The following ADCY2 variants were observed in gnomAD, a reference collection of about 807,000 sequenced individuals.
ADCY2 encodes the protein adenylate cyclase type 2.
In ADCY2, 31 loss-of-function variants were observed where a neutral mutation model predicts 125.2. The ratio of observed to expected loss-of-function variants is 0.25; its 90% CI spans 0.19 to 0.33. ADCY2 has a LOEUF of 0.33. Among genes scored for constraint, ADCY2 ranks in the 10% least tolerant of loss-of-function variants. The probability of loss-of-function intolerance (pLI) is 1.00; values close to 1 mark genes in which losing one functional copy is unlikely to be tolerated. For synonymous variants in ADCY2, 512 were observed against 548.4 expected, an observed-to-expected ratio of 0.93 and a Z score of 0.93; for missense variants, 904 against 1,418.2, an observed-to-expected ratio of 0.64 and a Z score of 5.82.
In ADCY2 at chr5:7,709,419, A is replaced by G. The variant is rs1273040520; in HGVS notation, c.1578+32A>G. 2.0e-6 allele frequency: 3 copies of G among 1,523,832 alleles called. No homozygotes were observed. The highest frequency in any genetic ancestry group is 1.8e-6 in the Non-Finnish European group (2 of 1,136,278). The allele number at this position is 1,523,832 out of a possible 1,614,324, so 94.4% of individuals were successfully genotyped here. ...CCTCCCCTGCCTCCAATGCCTGAGCACTGGGGGAAAGCTAACTTCCCAAAA... is the reference window on the plus strand; with the variant it reads ...CCTCCCCTGCCTCCAATGCCTGAGCGCTGGGGGAAAGCTAACTTCCCAAAA... On this transcript the variant is annotated intron_variant, in intron 10 of 24. Transcript: ENST00000338316. The surrounding 1 kb of genome is among the most constrained non-coding windows in gnomAD (Gnocchi z 4.4).
At chr5:7,787,067 G>A (rs1744104757) in intron 19 of ADCY2, among the ~76,000 whole-genome samples, 1 of 152,160 alleles carries the variant, frequency 6.6e-6, no homozygotes, top group East Asian at 1.9e-4. Flanking sequence ...AGCAAATTCG[G>A]TGTCTCTTCA....
In ADCY2 at chr5:7,712,481, T is replaced by C. The variant is rs80326937; in HGVS notation, c.1579-375T>C. Among the ~76,000 whole-genome samples, 167 of 152,316 alleles carry C rather than the reference T, an allele frequency of 1.1e-3. 3 individuals are homozygous for C. The East Asian group carries it at 0.024, about 22-fold the overall frequency. ...TTGTTCTTTCTACAGCATTTTCTAA[T>C]ATTTGTCTGATACCAAAGTCCATTT... On this transcript the variant is annotated intron_variant, in intron 10 of 24. Coordinates refer to ENST00000338316, the MANE Select transcript of ADCY2 (RefSeq NM_020546.3).
At chr5:7,549,788 G>A (rs746117655) in intron 3 of ADCY2, among the ~76,000 whole-genome samples, 3 of 152,178 alleles carry the variant, frequency 2.0e-5, no homozygotes, top group Non-Finnish European at 4.4e-5. Flanking sequence ...AAGAGGCCAG[G>A]CAGCGTGTGA....
chr5:7,680,566 C>T (rs1740296324), intron 4 of ADCY2, among the ~76,000 whole-genome samples: 1 of 152,204 alleles, frequency 6.6e-6, no homozygotes, highest in Non-Finnish European at 1.5e-5. Flanking sequence ...AGGCTCAGTC[C>T]ACAGGCTGCC....
chr5:7,593,335 G>A (rs571410322), intron 3 of ADCY2, among the ~76,000 whole-genome samples: 20 of 152,284 alleles, frequency 1.3e-4, no homozygotes, highest in African/African-American at 4.8e-4. Context: ...TCATGAACAG[G>A]ACATGTGACA....
At chr5:7,425,371 G>C (rs1314499851) in intron 2 of ADCY2, among the ~76,000 whole-genome samples, 1 of 152,202 alleles carries the variant, frequency 6.6e-6, no homozygotes, top group African/African-American at 2.4e-5. Context: ...AACTACTCGA[G>C]CATTAAGTCT....
At chr5:7,823,690 A>G (rs1365640407) in intron 24 of ADCY2, among the ~76,000 whole-genome samples, 1 of 152,134 alleles carries the variant, frequency 6.6e-6, no homozygotes, top group East Asian at 1.9e-4. Context: ...CCGACGATTT[A>G]TGGCAGTTTT....
At chr5:7,458,773 G>A (rs1348608354) in intron 2 of ADCY2, among the ~76,000 whole-genome samples, 1 of 152,172 alleles carries the variant, frequency 6.6e-6, no homozygotes, top group African/African-American at 2.4e-5. Flanking sequence ...AGACTCGATA[G>A]TACACAAAAC....
intron 2 of ADCY2, among the ~76,000 whole-genome samples, chr5:7,419,137 A>T (rs1173152707): frequency 1.3e-5 from 2 of 152,230 alleles, no homozygotes; most frequent in African/African-American, 4.8e-5. Context: ...TTGTAAAGTG[A>T]TGCAGGAATG....
intron 3 of ADCY2, among the ~76,000 whole-genome samples, chr5:7,620,257 C>T (rs757547431): frequency 9.9e-5 from 15 of 152,164 alleles, no homozygotes; most frequent in Non-Finnish European, 1.9e-4. Flanking sequence ...TCATGACCAA[C>T]AGTACTATCT....
At chr5:7,757,188 T>A (rs1560952626) in intron 15 of ADCY2, among the ~76,000 whole-genome samples, 1 of 152,154 alleles carries the variant, frequency 6.6e-6, no homozygotes, top group African/African-American at 2.4e-5. Context: ...AAAACATAAT[T>A]TCAGGTCTGT....
chr5:7,751,217 A>G (rs1742804025), intron 15 of ADCY2, among the ~76,000 whole-genome samples: 1 of 151,850 alleles, frequency 6.6e-6, no homozygotes, highest in African/African-American at 2.4e-5. Context: ...TTCCTTAACA[A>G]CTCACTCATT....
intron 3 of ADCY2, among the ~76,000 whole-genome samples, chr5:7,539,742 G>A (rs1454380567): frequency 6.6e-6 from 1 of 152,212 alleles, no homozygotes; most frequent in Non-Finnish European, 1.5e-5. Context: ...CTACTACTCA[G>A]CTTGGCTCTA....
At chr5:7,538,185 A>G (rs1734882192) in intron 3 of ADCY2, among the ~76,000 whole-genome samples, 1 of 152,210 alleles carries the variant, frequency 6.6e-6, no homozygotes, top group Non-Finnish European at 1.5e-5. Flanking sequence ...TGACTCTCCC[A>G]GAATAAAAAT....
chr5:7,415,120 A>G (rs951314300), intron 2 of ADCY2, among the ~76,000 whole-genome samples: 1 of 152,196 alleles, frequency 6.6e-6, no homozygotes, highest in Non-Finnish European at 1.5e-5. Context: ...TCACTTCCAT[A>G]GTTTTTTGGT....
At chr5:7,672,912 G>A (rs552492096) in intron 4 of ADCY2, among the ~76,000 whole-genome samples, 3 of 151,994 alleles carry the variant, frequency 2.0e-5, no homozygotes, top group African/African-American at 7.2e-5. Context: ...GCTCTGCTCC[G>A]CCTGAATGGA....
intron 14 of ADCY2, among the ~76,000 whole-genome samples, chr5:7,735,570 T>C (rs1742223833): frequency 6.6e-6 from 1 of 152,226 alleles, no homozygotes; most frequent in Non-Finnish European, 1.5e-5. Context: ...TTTCTGCAGC[T>C]ATTGAGATGA....
chr5:7,726,343 C>A (rs1741930674), intron 13 of ADCY2, among the ~76,000 whole-genome samples: 1 of 152,166 alleles, frequency 6.6e-6, no homozygotes, highest in South Asian at 2.1e-4. Flanking sequence ...TTGTTCCAGT[C>A]CACAGTTTCT....
intron 2 of ADCY2, among the ~76,000 whole-genome samples, chr5:7,481,413 C>T (rs1282278042): frequency 6.6e-6 from 1 of 152,074 alleles, no homozygotes; most frequent in Non-Finnish European, 1.5e-5. Context: ...ACTACAGGCG[C>T]CTGCCACCAC....
Sources: gnomAD v4.1 joint callset for allele counts (sites outside exome capture counted in the v4.1 genomes callset) on GRCh38, gnomAD v4.1.1 for gene constraint, Gnocchi (gnomAD v3.1) non-coding constraint, MANE v1.5 for transcripts, NCBI Gene and HGNC (gene_info 2026-07-23, HGNC 2026-07-21) for gene names.